ANKS1A: variants seen among roughly 807,000 people sequenced by gnomAD.
ANKS1A encodes ankyrin repeat and SAM domain-containing protein 1A.
Under a neutral mutation model 120.3 loss-of-function variants are expected in ANKS1A, and 55 were observed. The ratio of observed to expected loss-of-function variants is 0.46; its 90% CI spans 0.37 to 0.57. The LOEUF is 0.57. Ranked by LOEUF, ANKS1A falls within the 20% of genes least tolerant of loss-of-function variation. The probability of loss-of-function intolerance (pLI) is 0.00; values close to 1 mark genes in which losing one functional copy is unlikely to be tolerated. For missense variants in ANKS1A, 1,123 were observed against 1,480.3 expected (o/e 0.76, Z 3.96); for synonymous variants, 590 against 604.7 (o/e 0.98, Z 0.36).
chr6:34,915,585 AGTC>A (rs769052377), intron 1 of ANKS1A, among the ~76,000 whole-genome samples: 20 of 152,028 alleles, frequency 1.3e-4, no homozygotes, highest in African/African-American at 2.2e-4. Context: ...GGGCTTAAGC[AGTC>A]CTCCTGCATC....
Position 35,086,032 on chromosome 6 carries a change from C to T in ANKS1A, c.3303+96C>T, listed in dbSNP as rs1777957150. On this transcript the variant is annotated intron_variant, in intron 22 of 23. Coordinates refer to ENST00000360359, the MANE Select transcript of ANKS1A (RefSeq NM_015245.3). This position sits in a 1 kb window ranked among gnomAD's most constrained non-coding sequence, Gnocchi z 5.1. ...CGTGAGGAGGGTCTTCTGGCACTTC[C>T]AGAAAGCTGGCCCTCCAGGGAAATG... 23 of 1,440,130 alleles carry T rather than the reference C, an allele frequency of 1.6e-5. No homozygotes were observed. The highest frequency in any genetic ancestry group is 1.9e-5 in the Non-Finnish European group (21 of 1,093,434). The allele number at this position is 1,440,130 out of a possible 1,614,324, so 89.2% of individuals were successfully genotyped here.
intron 1 of ANKS1A, among the ~76,000 whole-genome samples, chr6:34,949,999 T>G (rs1053090600): frequency 6.6e-6 from 1 of 152,162 alleles, no homozygotes; most frequent in Non-Finnish European, 1.5e-5. Flanking sequence ...GAACGCTTTC[T>G]CTCTCTGGAC....
chr6:34,929,344 CG>C (rs1561853546), intron 1 of ANKS1A, among the ~76,000 whole-genome samples: 3 of 152,076 alleles, frequency 2.0e-5, no homozygotes, highest in Non-Finnish European at 4.4e-5. Flanking sequence ...TTATAATAGA[CG>C]AATGAATAAA....
Position 35,090,464 on chromosome 6 carries a change from G to A in ANKS1A, c.*1855G>A. The A allele has an allele frequency of 8.6e-7, 1 of 1,161,732 alleles. No individual in the cohort carries two copies. Among genetic ancestry groups the A allele is most frequent in the East Asian group, 6.1e-5 (1 of 16,334 alleles). The allele number at this position is 1,161,732 out of a possible 1,614,324, so 72.0% of individuals were successfully genotyped here. A position where few individuals can be genotyped will look rare whatever the true frequency, so the allele number is the denominator to read the frequency against. On this transcript the variant is annotated 3_prime_UTR_variant, in exon 24 of 24. Transcript: ENST00000360359. ...CGATGCACTCCTCAAGCTGTCTTTTGTGCTTAGATCATCCATAGGTGTTTC... is the reference window on the plus strand; with the variant it reads ...CGATGCACTCCTCAAGCTGTCTTTTATGCTTAGATCATCCATAGGTGTTTC...
chr6:35,079,429 CTG>C, intron 14 of ANKS1A, 85 bp from the exon 15 acceptor site: 1 of 1,548,170 alleles, frequency 6.5e-7, no homozygotes, highest in East Asian at 2.3e-5. Flanking sequence ...TGGCCACAGT[CTG>C]TGTGAGCTGG....
chr6:34,899,716 C>CT (rs1767254318), intron 1 of ANKS1A, among the ~76,000 whole-genome samples: 1 of 152,204 alleles, frequency 6.6e-6, no homozygotes, highest in Non-Finnish European at 1.5e-5. Flanking sequence ...GTTTTTAGAA[C>CT]TTTAACTCTT....
At position 35,071,996 on chromosome 6, in the gene ANKS1A, C is replaced by T. The variant is rs3800413; in HGVS notation, c.2185-6562C>T. ...TCCCCTTTGGCTAAAAGGGTCTACA[C>T]CAGTGTGTCACCACTCCCAAACAGT... On this transcript the variant is annotated intron_variant, in intron 13 of 23. Transcript: ENST00000360359. 2.6e-5 allele frequency among the ~76,000 whole-genome samples: 4 copies of T among 152,262 alleles called. No individual in the cohort carries two copies. In the East Asian group the frequency reaches 7.7e-4, roughly 29 times the overall value.
Position 35,088,751 on chromosome 6 carries a change from C to T in ANKS1A, c.*142C>T, listed in dbSNP as rs1290609689. ...GCAGGACCTCCTCTTGGCCACTTGG[C>T]CTGGGCCTGCCACCACCACGTCCTG... On this transcript the variant is annotated 3_prime_UTR_variant, in exon 24 of 24. Transcript: ENST00000360359. The T allele has an allele frequency of 6.3e-7, 1 of 1,576,860 alleles. No individual in the cohort carries two copies. The highest frequency in any genetic ancestry group is 1.1e-5 in the South Asian group (1 of 88,230).
At chr6:34,948,030 C>T (rs964220720) in intron 1 of ANKS1A, among the ~76,000 whole-genome samples, 21 of 151,680 alleles carry the variant, frequency 1.4e-4, no homozygotes, top group African/African-American at 3.6e-4. Flanking sequence ...TAGTTAAAAT[C>T]GAAGTTTGTT....
At chr6:34,923,823 G>A (rs1210062687) in intron 1 of ANKS1A, among the ~76,000 whole-genome samples, 2 of 152,188 alleles carry the variant, frequency 1.3e-5, no homozygotes, top group African/African-American at 4.8e-5. Flanking sequence ...CTAAGTGCAT[G>A]TATTGTGCCC....
chr6:34,910,855 C>A, intron 1 of ANKS1A, among the ~76,000 whole-genome samples: 2 of 127,016 alleles, frequency 1.6e-5, no homozygotes, highest in South Asian at 2.4e-4. Flanking sequence ...AGTGAAACTC[C>A]ATCTCAAAAA....
chr6:35,070,790 C>G (rs1225497888), intron 13 of ANKS1A: 4 of 433,690 alleles, frequency 9.2e-6, no homozygotes, highest in Middle Eastern at 7.2e-4. Context: ...AGCCCACAAG[C>G]CTTTATCTTA....
At chr6:35,077,960 C>T (rs545654974) in intron 13 of ANKS1A, among the ~76,000 whole-genome samples, 2 of 152,338 alleles carry the variant, frequency 1.3e-5, no homozygotes, top group South Asian at 4.1e-4. Context: ...CTCCGTGTGC[C>T]TCTCCACCCT....
chr6:34,989,382 T>C, intron 9 of ANKS1A, 66 bp downstream of exon 9: 1 of 1,444,428 alleles, frequency 6.9e-7, no homozygotes, highest in Non-Finnish European at 9.6e-7. Context: ...CATCGATGTG[T>C]GCTTTAAAAG....
intron 3 of ANKS1A, among the ~76,000 whole-genome samples, chr6:34,979,871 A>G (rs1050134988): frequency 1.2e-4 from 18 of 152,326 alleles, no homozygotes; most frequent in Admixed American, 9.8e-4. Context: ...CTGCCCCAGA[A>G]TTACTCCACA....
At chr6:35,008,483 A>G (rs541733562) in intron 10 of ANKS1A, among the ~76,000 whole-genome samples, 21 of 152,362 alleles carry the variant, frequency 1.4e-4, no homozygotes, top group African/African-American at 4.8e-4. Context: ...AGCTGGGGTC[A>G]CAGGCACAAG....
chr6:35,011,966 A>G (rs529348893), intron 10 of ANKS1A, among the ~76,000 whole-genome samples: 3 of 152,290 alleles, frequency 2.0e-5, no homozygotes, highest in South Asian at 2.1e-4. Context: ...TGAGGAAGAA[A>G]AGGTTAGGTA....
At chr6:34,896,257 CAG>C (rs1219484832) in intron 1 of ANKS1A, among the ~76,000 whole-genome samples, 5 of 151,684 alleles carry the variant, frequency 3.3e-5, no homozygotes, top group East Asian at 1.9e-4. Context: ...TTAGTAGAGA[CAG>C]GGGTTTCACT....
At chr6:34,906,216 T>A (rs1278333179) in intron 1 of ANKS1A, among the ~76,000 whole-genome samples, 1 of 152,196 alleles carries the variant, frequency 6.6e-6, no homozygotes, top group Non-Finnish European at 1.5e-5. Context: ...TGCATCAGTG[T>A]GTCTTAAAAC....
Sources: gnomAD v4.1 joint callset for allele counts (sites outside exome capture counted in the v4.1 genomes callset) on GRCh38, gnomAD v4.1.1 for gene constraint, Gnocchi (gnomAD v3.1) non-coding constraint, MANE v1.5 for transcripts, NCBI Gene and HGNC (gene_info 2026-07-23, HGNC 2026-07-21) for gene names.